Variants in CRYZL1 observed in about 807,000 individuals in gnomAD.
CRYZL1 encodes crystallin zeta like 1, also known as ferry endosomal RAB5 effector complex subunit 4.
Under a neutral mutation model 50.6 loss-of-function variants are expected in CRYZL1, and 34 were observed. That is an observed-to-expected ratio of 0.67 (90% CI 0.51 to 0.89). The LOEUF (loss-of-function observed/expected upper bound fraction) is 0.89, where lower values mean the gene tolerates loss of function less well. Among genes scored for constraint, CRYZL1 ranks in the 40% least tolerant of loss-of-function variants. CRYZL1 has a pLI of 0.00. For synonymous variants in CRYZL1, 125 were observed against 134.3 expected (o/e 0.93, Z 0.48); for missense variants, 354 against 402.3 (o/e 0.88, Z 1.03).
rs770763325 is a variant in CRYZL1 at position 33,597,407 on chromosome 21, A to G, written c.677-6T>C. Reference sequence around the variant, plus strand: ...ATCTTTACTATATAATCTCACTTGCAAGGGAATAGTTTTAAAAAAAGAGAG... The same window carrying G: ...ATCTTTACTATATAATCTCACTTGCGAGGGAATAGTTTTAAAAAAAGAGAG... On this transcript the variant is annotated splice_polypyrimidine_tract_variant and splice_region_variant and intron_variant, in intron 9 of 12. Coordinates refer to ENST00000381554, the MANE Select transcript of CRYZL1 (RefSeq NM_145858.3). 15 of 1,560,906 alleles carry G rather than the reference A, an allele frequency of 9.6e-6. No individual in the cohort carries two copies. The Admixed American group carries it at 2.6e-4, about 27-fold the overall frequency.
chr21:33,628,629 T>G lies in CRYZL1; in HGVS notation c.66+2857A>C, dbSNP rs150484552. ...TTTTTTTTTTTTTTTTTGAGACAAG[T>G]CTTGCCCTGTCGCCCAGACTGGGGT... On this transcript the variant is annotated intron_variant, in intron 2 of 12. Coordinates refer to ENST00000381554, the MANE Select transcript of CRYZL1 (RefSeq NM_145858.3). 3.4e-3 allele frequency among the ~76,000 whole-genome samples: 503 copies of G among 148,222 alleles called. 3 individuals carry two copies. The highest frequency in any genetic ancestry group is 0.012 in the African/African-American group (477 of 40,066).
chr21:33,590,331 TTAAG>T (rs1311484038), intron 12 of CRYZL1, among the ~76,000 whole-genome samples: 1 of 151,904 alleles, frequency 6.6e-6, no homozygotes, highest in Non-Finnish European at 1.5e-5. Flanking sequence ...ATCTATTACT[TTAAG>T]TAATTCAAAC....
chr21:33,620,814 C>T lies in CRYZL1; in HGVS notation c.217+1182G>A, dbSNP rs1417890343. ...GACAGAGTGAGACTCTGAAAAAAAA[C>T]AAAAACAAAACAAAACAAAACAAAA... On this transcript the variant is annotated intron_variant, in intron 4 of 12. Coordinates refer to ENST00000381554, the MANE Select transcript of CRYZL1 (RefSeq NM_145858.3). Among the ~76,000 whole-genome samples, 3 of 147,300 alleles carry T rather than the reference C, an allele frequency of 2.0e-5. No homozygotes were observed. In the Admixed American group the frequency reaches 2.0e-4, roughly 10 times the overall value.
At chr21:33,631,461 T>G (rs1221330139) in intron 2 of CRYZL1, 25 bp downstream of exon 2, 3 of 1,466,224 alleles carry the variant, frequency 2.0e-6, no homozygotes, top group Non-Finnish European at 2.7e-6. Flanking sequence ...ACTAACTACT[T>G]TAATGATTAA....
intron 2 of CRYZL1, among the ~76,000 whole-genome samples, chr21:33,626,942 T>C (rs752761058): frequency 6.6e-6 from 1 of 152,206 alleles, no homozygotes; most frequent in Non-Finnish European, 1.5e-5. Flanking sequence ...TGTTTTGTCA[T>C]GAACACAATC....
chr21:33,637,332 C>T (rs1306990364), intron 1 of CRYZL1, among the ~76,000 whole-genome samples: 6 of 151,270 alleles, frequency 4.0e-5, no homozygotes, highest in Non-Finnish European at 8.8e-5. Context: ...GTAGTCCCAG[C>T]TACTTGGGAG....
chr21:33,625,650 A>AT (rs1255691374), intron 2 of CRYZL1, among the ~76,000 whole-genome samples: 1 of 151,266 alleles, frequency 6.6e-6, no homozygotes, highest in Non-Finnish European at 1.5e-5. Context: ...CACCCAGCTG[A>AT]TTTTTAATTT....
intron 1 of CRYZL1, among the ~76,000 whole-genome samples, chr21:33,640,560 ACAT>A (rs1159170857): frequency 2.6e-5 from 4 of 152,190 alleles, no homozygotes; most frequent in African/African-American, 9.7e-5. Context: ...ACTCAGCGCA[ACAT>A]CATACTTTCA....
intron 2 of CRYZL1, among the ~76,000 whole-genome samples, 163 bp from the exon 3 acceptor site, chr21:33,624,923 T>C (rs1482083214): frequency 6.6e-6 from 1 of 152,038 alleles, no homozygotes; most frequent in Non-Finnish European, 1.5e-5. Flanking sequence ...ATGTATATAA[T>C]AAAAAAATAA....
At chr21:33,626,338 T>C (rs2087062764) in intron 2 of CRYZL1, among the ~76,000 whole-genome samples, 1 of 152,202 alleles carries the variant, frequency 6.6e-6, no homozygotes, top group Non-Finnish European at 1.5e-5. Flanking sequence ...CCCCATGGGA[T>C]TCTGGGCTCA....
intron 8 of CRYZL1, among the ~76,000 whole-genome samples, chr21:33,601,007 G>A (rs2086750730): frequency 7.4e-6 from 1 of 136,020 alleles, no homozygotes; most frequent in South Asian, 2.4e-4. Context: ...CACGATCTCG[G>A]CTCACTGCAA....
chr21:33,605,523 A>G (rs2086801626), intron 6 of CRYZL1, among the ~76,000 whole-genome samples: 1 of 24,874 alleles, frequency 4.0e-5, no homozygotes, highest in Non-Finnish European at 7.3e-5. Context: ...TCCGCAGTAC[A>G]AGAATTCTTT....
chr21:33,605,668 C>T (rs974024069), intron 6 of CRYZL1, among the ~76,000 whole-genome samples: 1 of 151,278 alleles, frequency 6.6e-6, no homozygotes, highest in African/African-American at 2.4e-5. Flanking sequence ...ATTACAGGTG[C>T]ACACCACCAG....
At chr21:33,591,060 A>G in intron 12 of CRYZL1, 102 bp downstream of exon 12, 1 of 810,882 alleles carries the variant, frequency 1.2e-6, no homozygotes, top group East Asian at 2.4e-5. Flanking sequence ...TATGGAGGCA[A>G]CAGGTACATG....
At chr21:33,614,603 G>A (rs934847022) in intron 5 of CRYZL1, among the ~76,000 whole-genome samples, 6 of 151,892 alleles carry the variant, frequency 4.0e-5, no homozygotes, top group African/African-American at 1.2e-4. Context: ...ACAGAGTCTC[G>A]CTCTGTTGCC....
rs1029471421 is a variant in CRYZL1, at chr21:33,641,144, G to C, written c.-7+537C>G. 17 of 1,549,266 alleles carry C rather than the reference G, an allele frequency of 1.1e-5. No homozygotes were observed. In the Middle Eastern group the frequency reaches 6.9e-4, roughly 63 times the overall value. On this transcript the variant is annotated intron_variant, in intron 1 of 12. Transcript: ENST00000381554. The stretch of plus-strand genomic sequence containing the variant: ...AGCTTCTTAGAAACGCAGATGTTCG[G>C]CCCCGACCCAGACCTATCCCAAGGC...
At chr21:33,610,739 T>TTG (rs1397045683) in intron 6 of CRYZL1, among the ~76,000 whole-genome samples, 1 of 145,168 alleles carries the variant, frequency 6.9e-6, no homozygotes, top group Non-Finnish European at 1.5e-5. Context: ...TTTTTTTTTT[T>TTG]TTTTTTTTTT....
intron 1 of CRYZL1, among the ~76,000 whole-genome samples, chr21:33,636,841 C>T (rs2087212105): frequency 6.6e-6 from 1 of 152,186 alleles, no homozygotes; most frequent in African/African-American, 2.4e-5. Context: ...CAGTTTCACT[C>T]TGTCGCCCAG....
At chr21:33,637,780 TATATATATAC>T (rs1210157422) in intron 1 of CRYZL1, among the ~76,000 whole-genome samples, 4 of 146,710 alleles carry the variant, frequency 2.7e-5, no homozygotes, top group African/African-American at 1.0e-4. Context: ...TATATATATA[TATATATATAC>T]ACACACACAC....
Sources: gnomAD v4.1 joint callset for allele counts (sites outside exome capture counted in the v4.1 genomes callset) on GRCh38, gnomAD v4.1.1 for gene constraint, MANE v1.5 for transcripts, NCBI Gene and HGNC (gene_info 2026-07-23, HGNC 2026-07-21) for gene names.